The following CADM1 variants were observed in gnomAD, a reference collection of about 807,000 sequenced individuals.
The protein encoded by CADM1 is cell adhesion molecule 1.
CADM1 carries 15 observed loss-of-function variants against 53.1 expected under a neutral mutation model. That is an observed-to-expected ratio of 0.28 (90% CI 0.19 to 0.44). CADM1 has a LOEUF of 0.44. CADM1 is among the 20% of genes least tolerant of loss of function. The pLI, the probability that CADM1 is intolerant of heterozygous loss-of-function variation, is 1.00. For synonymous variants in CADM1, 281 were observed against 243.0 expected, an observed-to-expected ratio of 1.16 and a Z score of -1.45; for missense variants, 434 against 611.3, an observed-to-expected ratio of 0.71 and a Z score of 3.06.
intron 1 of CADM1, among the ~76,000 whole-genome samples, chr11:115,243,736 A>T (rs1672759167): frequency 6.6e-6 from 1 of 152,194 alleles, no homozygotes; most frequent in African/African-American, 2.4e-5. Flanking sequence ...TAGCTACAAA[A>T]CACAATTTGA....
At chr11:115,425,372 C>T (rs1005231255) in intron 1 of CADM1, among the ~76,000 whole-genome samples, 10 of 152,188 alleles carry the variant, frequency 6.6e-5, no homozygotes, top group African/African-American at 2.4e-4. Flanking sequence ...GTTCTTTCCA[C>T]ATTAGCTGTG....
chr11:115,388,239 A>G (rs566893094), intron 1 of CADM1, among the ~76,000 whole-genome samples: 2 of 152,260 alleles, frequency 1.3e-5, no homozygotes, highest in East Asian at 3.9e-4. Context: ...CTGACAGACA[A>G]TGAGAGTGGG....
intron 1 of CADM1, among the ~76,000 whole-genome samples, chr11:115,294,766 T>TG (rs11375400): frequency 1 from 152,334 of 152,334 alleles, 76,167 homozygotes; most frequent in Non-Finnish European, 1. Context: ...CTGGGCGCAG[T>TG]GCTCACGCCT....
chr11:115,318,659 C>T (rs753087928), intron 1 of CADM1, among the ~76,000 whole-genome samples: 6 of 151,990 alleles, frequency 3.9e-5, no homozygotes, highest in African/African-American at 9.7e-5. Flanking sequence ...GGAAAGATGA[C>T]GGCTTGAATT....
chr11:115,309,803 T>C (rs548548932), intron 1 of CADM1, among the ~76,000 whole-genome samples: 2 of 152,248 alleles, frequency 1.3e-5, no homozygotes, highest in African/African-American at 4.8e-5. Context: ...ACAATATCTA[T>C]CTCAAATAAC....
At chr11:115,189,175 C>A (rs1939722062) in intron 10 of CADM1, among the ~76,000 whole-genome samples, 1 of 152,050 alleles carries the variant, frequency 6.6e-6, no homozygotes, top group Non-Finnish European at 1.5e-5. Flanking sequence ...TTATTATGAA[C>A]ACAAACAGTT....
At chr11:115,181,031 GAGA>G (rs2134595693) in intron 10 of CADM1, among the ~76,000 whole-genome samples, 1 of 152,244 alleles carries the variant, frequency 6.6e-6, no homozygotes, top group Non-Finnish European at 1.5e-5. Flanking sequence ...CAGGAAGACT[GAGA>G]ACAGAGAGAA....
At chr11:115,382,069 T>C (rs1057489841) in intron 1 of CADM1, among the ~76,000 whole-genome samples, 1 of 152,188 alleles carries the variant, frequency 6.6e-6, no homozygotes, top group East Asian at 1.9e-4. Context: ...GGTCTCAAAC[T>C]CCTGACCTCA....
chr11:115,259,766 C>G (rs998525780), intron 1 of CADM1, among the ~76,000 whole-genome samples: 5 of 152,170 alleles, frequency 3.3e-5, no homozygotes, highest in Admixed American at 3.3e-4. Flanking sequence ...AAGCAGAAAT[C>G]CTGCCATCTA....
At position 115,190,925 on chromosome 11, in the gene CADM1, G is replaced by A; in HGVS notation, c.1128C>T (p.Pro376=). The A allele has an allele frequency of 6.3e-7, 1 of 1,594,130 alleles. No homozygotes were observed. Among genetic ancestry groups the A allele is most frequent in the East Asian group, 2.2e-5 (1 of 44,804 alleles). ...EPAVHGLTQL[P]NSAEELDSED... is the part of the protein sequence containing the mutation. ...CACTGTCCAGTTCTTCTGCGGAATT[G>A]GGCAACTGAGTAAGGCCTTACAAGT... The change falls in exon 10 of 12, where the codon CCC becomes CCT. Residue 376 remains proline, a synonymous_variant. Coordinates refer to ENST00000331581, the MANE Select transcript of CADM1 (RefSeq NM_001301043.2).
chr11:115,232,843 G>A (rs1240501721), intron 3 of CADM1, among the ~76,000 whole-genome samples: 2 of 152,068 alleles, frequency 1.3e-5, no homozygotes, highest in Admixed American at 6.6e-5. Context: ...AGACAGTTCC[G>A]AGACTTATGA....
At chr11:115,475,258 T>C (rs1489703854) in intron 1 of CADM1, among the ~76,000 whole-genome samples, 2 of 152,172 alleles carry the variant, frequency 1.3e-5, no homozygotes, top group African/African-American at 4.8e-5. Flanking sequence ...TTTTTTATTG[T>C]TGTATATTTT....
At chr11:115,275,409 C>T (rs1268417850) in intron 1 of CADM1, among the ~76,000 whole-genome samples, 3 of 152,150 alleles carry the variant, frequency 2.0e-5, no homozygotes, top group Admixed American at 6.5e-5. Flanking sequence ...CACATAAACT[C>T]GTAACATGCT....
Position 115,288,202 on chromosome 11 carries a change from A to C in CADM1, c.125-47782T>G, listed in dbSNP as rs544001391. Among the ~76,000 whole-genome samples the C allele has an allele frequency of 2.3e-3, 344 of 152,302 alleles. 1 individual carries two copies. The highest frequency in any genetic ancestry group is 7.9e-3 in the African/African-American group (329 of 41,568). On this transcript the variant is annotated intron_variant, in intron 1 of 11. Coordinates refer to ENST00000331581, the MANE Select transcript of CADM1 (RefSeq NM_001301043.2). ...GGCCTTGGTGTGTTCCAGAAACAGC[A>C]AGGAAGCCAGCATGATCAGGAGTAA...
rs905653115 is a variant in CADM1 at position 115,174,536 on chromosome 11, C to G, written c.*1938G>C. 1.4e-5 allele frequency: 14 copies of G among 985,450 alleles called. No homozygotes were observed. Among genetic ancestry groups the G allele is most frequent in the African/African-American group, 3.5e-5 (2 of 57,150 alleles). 61.0% of individuals were successfully genotyped at this position (985,450 alleles called of 1,614,324 possible). ...CGATAATGGATTTTCTTTTACATAC[C>G]AGTCCGTTCCCAAAAGGCCCCCATA... On this transcript the variant is annotated 3_prime_UTR_variant, in exon 12 of 12. Coordinates refer to ENST00000331581, the MANE Select transcript of CADM1 (RefSeq NM_001301043.2).
At chr11:115,257,640 A>G (rs1273565810) in intron 1 of CADM1, among the ~76,000 whole-genome samples, 2 of 152,238 alleles carry the variant, frequency 1.3e-5, no homozygotes, top group African/African-American at 4.8e-5. Context: ...CCAGTGAATG[A>G]AAAAAGTATG....
intron 1 of CADM1, among the ~76,000 whole-genome samples, chr11:115,409,697 C>A (rs1484065149): frequency 2.0e-5 from 3 of 151,374 alleles, no homozygotes; most frequent in Admixed American, 6.6e-5. Flanking sequence ...CCTTGACCCT[C>A]AAGACGATCT....
chr11:115,454,983 G>C (rs1436108199), intron 1 of CADM1, among the ~76,000 whole-genome samples: 1 of 152,096 alleles, frequency 6.6e-6, no homozygotes, highest in Non-Finnish European at 1.5e-5. Context: ...TCACCTTCTT[G>C]GAAGTGCTGG....
chr11:115,341,368 C>A (rs908468246), intron 1 of CADM1, among the ~76,000 whole-genome samples: 7 of 152,098 alleles, frequency 4.6e-5, no homozygotes, highest in Admixed American at 6.6e-5. Context: ...TTAGTAATGA[C>A]AACTACCTTT....
Sources: gnomAD v4.1 joint callset for allele counts (sites outside exome capture counted in the v4.1 genomes callset) on GRCh38, gnomAD v4.1.1 for gene constraint, MANE v1.5 for transcripts, NCBI Gene and HGNC (gene_info 2026-07-23, HGNC 2026-07-21) for gene names.